Variants in CACNA1B observed in about 807,000 individuals in gnomAD.
CACNA1B encodes calcium voltage-gated channel subunit alpha1 B.
In CACNA1B, 70 loss-of-function variants were observed where a neutral mutation model predicts 247.2. That is an observed-to-expected ratio of 0.28 (90% CI 0.23 to 0.35). CACNA1B has a LOEUF of 0.35. Ranked by LOEUF, CACNA1B falls within the 10% of genes least tolerant of loss-of-function variation. CACNA1B has a pLI of 1.00. For missense variants in CACNA1B, 2,367 were observed against 3,197.4 expected (o/e 0.74, Z 6.26); for synonymous variants, 1,231 against 1,294.4 (o/e 0.95, Z 1.05).
intron 20 of CACNA1B, among the ~76,000 whole-genome samples, chr9:138,031,262 T>C (rs1467084662): frequency 6.6e-6 from 1 of 152,208 alleles, no homozygotes; most frequent in Non-Finnish European, 1.5e-5. Flanking sequence ...AAAATTTCCT[T>C]TGAGAAGACT....
chr9:138,004,314 A>T (rs1958619459), intron 15 of CACNA1B, among the ~76,000 whole-genome samples: 3 of 151,984 alleles, frequency 2.0e-5, no homozygotes, highest in African/African-American at 7.2e-5. Flanking sequence ...CAGGAGGCTG[A>T]GGGGGGGCTG....
intron 42 of CACNA1B, among the ~76,000 whole-genome samples, 166 bp downstream of exon 42, chr9:138,115,845 A>C (rs2131368222): frequency 6.6e-6 from 1 of 152,176 alleles, no homozygotes; most frequent in South Asian, 2.1e-4. Flanking sequence ...CCGACCCTGC[A>C]CTTGGGCCCT....
chr9:138,031,123 G>A (rs1480836321), intron 20 of CACNA1B, among the ~76,000 whole-genome samples: 5 of 151,942 alleles, frequency 3.3e-5, no homozygotes, highest in Non-Finnish European at 5.9e-5. Flanking sequence ...GTTTCTTGGG[G>A]TAGGAGCTTA....
chr9:138,077,670 C>T (rs1019405063), intron 35 of CACNA1B, among the ~76,000 whole-genome samples: 10 of 152,198 alleles, frequency 6.6e-5, no homozygotes, highest in Non-Finnish European at 1.5e-4. Context: ...GTGGTGAGAG[C>T]CTGGCTGTGT....
At chr9:137,895,882 G>T (rs768842603) in intron 3 of CACNA1B, among the ~76,000 whole-genome samples, 2 of 152,118 alleles carry the variant, frequency 1.3e-5, no homozygotes, top group African/African-American at 4.8e-5. Flanking sequence ...GTGGTGTGGC[G>T]AGAGAGGCAT....
At chr9:138,097,179 A>G (rs1470226081) in intron 37 of CACNA1B, among the ~76,000 whole-genome samples, 1 of 152,074 alleles carries the variant, frequency 6.6e-6, no homozygotes, top group Non-Finnish European at 1.5e-5. Flanking sequence ...CTTTTTTGAC[A>G]GATGAGCTAC....
intron 9 of CACNA1B, 81 bp downstream of exon 9, chr9:137,956,908 T>C (rs1275525130): frequency 1.7e-6 from 2 of 1,184,648 alleles, no homozygotes; most frequent in South Asian, 1.2e-5. Flanking sequence ...TGCTTGCATG[T>C]TTCACGCGAA....
At chr9:137,894,852 G>A (rs1199249163) in intron 3 of CACNA1B, among the ~76,000 whole-genome samples, 1 of 152,106 alleles carries the variant, frequency 6.6e-6, no homozygotes, top group Non-Finnish European at 1.5e-5. Flanking sequence ...TTTCGTAACA[G>A]AGACTTTGCG....
intron 3 of CACNA1B, among the ~76,000 whole-genome samples, chr9:137,908,121 C>A (rs150764748): frequency 1.2e-3 from 185 of 152,316 alleles, no homozygotes; most frequent in African/African-American, 4.4e-3. Context: ...GTTTGTTCTT[C>A]AGCATCGCTT....
At chr9:137,949,334 A>C (rs1357857407) in intron 6 of CACNA1B, among the ~76,000 whole-genome samples, 1 of 1,682 alleles carries the variant, frequency 5.9e-4, no homozygotes, top group Non-Finnish European at 1.3e-3. Flanking sequence ...GTGTGCGTGT[A>C]GGTGTGTAGT....
rs1273621711 is a variant in CACNA1B, at chr9:137,984,199, G to C, written c.1718G>C (p.Gly573Ala). 1.2e-6 allele frequency: 2 copies of C among 1,604,816 alleles called. No individual in the cohort carries two copies. Among genetic ancestry groups the C allele is most frequent in the Non-Finnish European group, 1.7e-6 (2 of 1,176,112 alleles). ...GCCATCAAGCCGGGAAGCTCCTTTGGGATCAGTGTGCTGCGGGCCCTCCGC... is the reference window on the plus strand; with the variant it reads ...GCCATCAAGCCGGGAAGCTCCTTTGCGATCAGTGTGCTGCGGGCCCTCCGC... The part of the protein sequence containing the change: ...WAAIKPGSSF[G>A]ISVLRALRLL... Residue 573 changes from glycine (G) to alanine (A), a missense_variant, in exon 13 of 47, where the codon GGG (glycine) becomes GCG (alanine). Transcript: ENST00000371372.
At chr9:138,089,227 T>C (rs1960802606) in intron 36 of CACNA1B, among the ~76,000 whole-genome samples, 3 of 152,128 alleles carry the variant, frequency 2.0e-5, no homozygotes, top group Admixed American at 6.6e-5. Context: ...TAGGCCAATA[T>C]TTCTGATGAT....
intron 6 of CACNA1B, among the ~76,000 whole-genome samples, chr9:137,947,221 G>T (rs1423730916): frequency 6.6e-6 from 1 of 152,150 alleles, no homozygotes; most frequent in Non-Finnish European, 1.5e-5. Flanking sequence ...TGAAGACTTG[G>T]CCCACGAGCA....
chr9:137,918,874 A>G (rs1008216063), intron 6 of CACNA1B, among the ~76,000 whole-genome samples: 1 of 152,214 alleles, frequency 6.6e-6, no homozygotes, highest in Admixed American at 6.5e-5. Context: ...GTCTGATGAC[A>G]GGCTTGTGTG....
chr9:138,028,023 CTTT>C (rs541594878), intron 20 of CACNA1B, among the ~76,000 whole-genome samples: 1 of 98,768 alleles, frequency 1.0e-5, no homozygotes, highest in African/African-American at 4.3e-5. Flanking sequence ...CCCCCCCAAC[CTTT>C]TTTTTTTTTT....
intron 6 of CACNA1B, among the ~76,000 whole-genome samples, chr9:137,928,673 C>T (rs527632187): frequency 3.3e-5 from 5 of 152,186 alleles, no homozygotes; most frequent in African/African-American, 9.6e-5. Flanking sequence ...TTACAGTTTA[C>T]AGTTCAGAGT....
chr9:138,107,522 C>A (rs1040876349), intron 39 of CACNA1B, among the ~76,000 whole-genome samples: 5 of 152,090 alleles, frequency 3.3e-5, no homozygotes, highest in African/African-American at 1.2e-4. Context: ...TTCATATTTT[C>A]TTGACTCTGT....
At chr9:137,926,024 G>A (rs1957546470) in intron 6 of CACNA1B, among the ~76,000 whole-genome samples, 1 of 146,104 alleles carries the variant, frequency 6.8e-6, no homozygotes, top group Non-Finnish European at 1.5e-5. Flanking sequence ...AAATTGCTGG[G>A]ATTACAGGCG....
In CACNA1B at chr9:137,913,300, G is replaced by A. The variant is rs139844870; in HGVS notation, c.622+29G>A. On this transcript the variant is annotated intron_variant, in intron 4 of 46. Transcript: ENST00000371372. This position sits in a 1 kb window ranked among gnomAD's most constrained non-coding sequence, Gnocchi z 5.2. Reference sequence around the variant, plus strand: ...AGTCCAGCGAAGACAGGCCCAAGCCGGCTTGGAGTAACAACCTCCTCTCCT... The same window carrying A: ...AGTCCAGCGAAGACAGGCCCAAGCCAGCTTGGAGTAACAACCTCCTCTCCT... The A allele has an allele frequency of 2.9e-5, 45 of 1,557,958 alleles. No homozygotes were observed. The highest frequency in any genetic ancestry group is 1.7e-4 in the Middle Eastern group (1 of 5,958).
Sources: gnomAD v4.1 joint callset for allele counts (sites outside exome capture counted in the v4.1 genomes callset) on GRCh38, gnomAD v4.1.1 for gene constraint, Gnocchi (gnomAD v3.1) non-coding constraint, MANE v1.5 for transcripts, NCBI Gene and HGNC (gene_info 2026-07-23, HGNC 2026-07-21) for gene names.